The following KRT222 variants were observed in gnomAD, a reference collection of about 807,000 sequenced individuals.
The protein encoded by KRT222 is keratin-like protein KRT222.
Under a neutral mutation model 35.0 loss-of-function variants are expected in KRT222, and 23 were observed. The observed-to-expected ratio is 0.66, with a 90% CI of 0.47 to 0.93. The LOEUF is 0.93. Ranked by LOEUF, KRT222 falls within the 40% of genes least tolerant of loss-of-function variation. The pLI is 0.00. For missense variants in KRT222, 339 were observed against 346.3 expected, an observed-to-expected ratio of 0.98 and a Z score of 0.17; for synonymous variants, 108 against 118.8, an observed-to-expected ratio of 0.91 and a Z score of 0.59.
In KRT222 at chr17:40,662,026, T is replaced by G. The variant is rs745736905; in HGVS notation, c.115A>C (p.Lys39Gln). The change falls in exon 2 of 6, where the codon AAA (lysine) becomes CAA (glutamine). Residue 39 changes from lysine to glutamine, a missense_variant. Physicochemically the swap from Lys to Gln is moderately conservative, Grantham distance 53 (BLOSUM62 1). Transcript: ENST00000394052. ...GCCTCTTCATCTTTGTCCATTTTTTTGCTTATGTCTTCTTCTAGCTAACAA... is the reference window on the plus strand; with the variant it reads ...GCCTCTTCATCTTTGTCCATTTTTTGGCTTATGTCTTCTTCTAGCTAACAA... ...TRIQLEEDIS[K>Q]KMDKDEEALK... The G allele has an allele frequency of 6.2e-7, 1 of 1,613,998 alleles. No homozygotes were observed. The highest frequency in any genetic ancestry group is 1.1e-5 in the South Asian group (1 of 91,018).
Position 40,660,145 on chromosome 17 carries a change from G to A in KRT222, c.288C>T (p.Asp96=), listed in dbSNP as rs1456812165. ...SEQHYQMQLQ[D]LETVIEGLEK... ...CTAGTCCTTCAATCACAGTCTCTAG[G>A]TCTTGCAGCTGCATCTGGTAATGCT... The change falls in exon 3 of 6, where the codon GAC becomes GAT. Residue 96 remains aspartate (D), a synonymous_variant. Coordinates refer to ENST00000394052, the MANE Select transcript of KRT222 (RefSeq NM_152349.3). The A allele has an allele frequency of 2.5e-6, 4 of 1,614,094 alleles. No individual in the cohort carries two copies. In the Admixed American group the frequency reaches 6.7e-5, roughly 27 times the overall value.
Position 40,656,444 on chromosome 17 carries a change from T to C in KRT222, c.846A>G (p.Ser282=), listed in dbSNP as rs1469365143. ...GAGGTTTGATAGAGGGAATACTGCA[T>C]GATCTTCTCATGATAAGCCTGACTT... The part of the protein sequence containing the change: ...DIEVRLIMRR[S]CSIPSIKPPS... Residue 282 remains serine, a synonymous_variant, in exon 6 of 6, where the codon TCA becomes TCG. Coordinates refer to ENST00000394052, the MANE Select transcript of KRT222 (RefSeq NM_152349.3). 1.2e-6 allele frequency: 2 copies of C among 1,613,898 alleles called. No homozygotes were observed. Among genetic ancestry groups the C allele is most frequent in the Admixed American group, 1.7e-5 (1 of 60,024 alleles).
chr17:40,657,312 A>G, intron 5 of KRT222, 40 bp downstream of exon 5: 1 of 1,360,972 alleles, frequency 7.3e-7, no homozygotes, highest in Non-Finnish European at 9.8e-7. Flanking sequence ...TTCTTTACAT[A>G]TATTTATTAT....
intron 2 of KRT222, among the ~76,000 whole-genome samples, chr17:40,660,947 TTG>T (rs1386587169): frequency 6.6e-6 from 1 of 152,054 alleles, no homozygotes; most frequent in African/African-American, 2.4e-5. Context: ...TAAATACTTT[TTG>T]TTTGTTTGTT....
chr17:40,660,525 C>T (rs111294165), intron 2 of KRT222, among the ~76,000 whole-genome samples: 1 of 151,966 alleles, frequency 6.6e-6, no homozygotes, highest in Non-Finnish European at 1.5e-5. Context: ...GTGATCCGCC[C>T]GCCTTGGCCT....
chr17:40,656,473 T>C lies in KRT222; in HGVS notation c.817A>G (p.Ile273Val), dbSNP rs745557485. 2 of 1,613,858 alleles carry C rather than the reference T, an allele frequency of 1.2e-6. No individual in the cohort carries two copies. The highest frequency in any genetic ancestry group is 2.7e-5 in the African/African-American group (2 of 74,934). ...LETKQDNLPD[I>V]EVRLIMRRSC... ...CTTCTCATGATAAGCCTGACTTCTA[T>C]ATCTGGTAGATTATCCTGCTTAGTC... Residue 273 changes from isoleucine (I) to valine (V), a missense_variant, in exon 6 of 6, where the codon ATA becomes GTA. Transcript: ENST00000394052.
At position 40,655,962 on chromosome 17, in the gene KRT222, C is replaced by T. The variant is rs1012443762; in HGVS notation, c.*440G>A. The T allele has an allele frequency of 6.6e-6, 1 of 152,598 alleles. No individual in the cohort carries two copies. The highest frequency in any genetic ancestry group is 2.4e-5 in the African/African-American group (1 of 41,440). 9.5% of individuals were successfully genotyped at this position (152,598 alleles called of 1,614,324 possible). A position where few individuals can be genotyped will look rare whatever the true frequency, so the allele number is the denominator to read the frequency against. ...AATAGAACAAACATTGTAGGTTTAA[C>T]CAGTCATGGAATAATGGTGAATAAC... On this transcript the variant is annotated 3_prime_UTR_variant, in exon 6 of 6. Coordinates refer to ENST00000394052, the MANE Select transcript of KRT222 (RefSeq NM_152349.3).
chr17:40,661,259 C>CT (rs778993189), intron 2 of KRT222, among the ~76,000 whole-genome samples: 4,651 of 144,150 alleles, frequency 0.032, 108 homozygotes, highest in African/African-American at 0.061. Context: ...ATTTTTCTTT[C>CT]TTTTTTTTTT....
At chr17:40,662,476 T>G (rs552032787) in intron 1 of KRT222, among the ~76,000 whole-genome samples, 1 of 152,324 alleles carries the variant, frequency 6.6e-6, no homozygotes. Context: ...CCCCCAAAAC[T>G]GATCAATTCT....
chr17:40,664,910 GAAAT>G (rs1299867839), intron 1 of KRT222, 90 bp downstream of exon 1: 1 of 1,588,556 alleles, frequency 6.3e-7, no homozygotes, highest in East Asian at 2.2e-5. Context: ...CATCGAAAAG[GAAAT>G]ACTGTACCTC....
intron 3 of KRT222, among the ~76,000 whole-genome samples, chr17:40,658,088 A>G (rs1243981771): frequency 6.6e-6 from 1 of 151,722 alleles, no homozygotes; most frequent in African/African-American, 2.4e-5. Flanking sequence ...AGATTAGGGT[A>G]TGTGGCTTAG....
chr17:40,657,666 A>G lies in KRT222; in HGVS notation c.523+8T>C. On this transcript the variant is annotated splice_region_variant and intron_variant, in intron 4 of 5. Coordinates refer to ENST00000394052, the MANE Select transcript of KRT222 (RefSeq NM_152349.3). ...TTTCAAATGAGTTTATTTATGTCAG[A>G]AACTCACCTGATGGTAAAACAAAAC... 1 of 1,609,740 alleles carries G rather than the reference A, an allele frequency of 6.2e-7. No individual in the cohort carries two copies. Among genetic ancestry groups the G allele is most frequent in the Non-Finnish European group, 8.5e-7 (1 of 1,176,954 alleles).
At chr17:40,662,126 G>A in intron 1 of KRT222, 82 bp from the exon 2 acceptor site, 1 of 1,540,320 alleles carries the variant, frequency 6.5e-7, no homozygotes, top group Non-Finnish European at 8.8e-7. Flanking sequence ...AGCAATTATA[G>A]AAAAATTGTA....
At chr17:40,660,284 CTT>C (rs35466162) in intron 2 of KRT222, 77 bp from the exon 3 acceptor site, 10,418 of 931,406 alleles carry the variant, frequency 0.011, 42 homozygotes, top group Admixed American at 0.028. Context: ...ATATCTTCAT[CTT>C]TTTTTTTTTT....
chr17:40,664,757 T>C (rs1267540583), intron 1 of KRT222, among the ~76,000 whole-genome samples: 1 of 152,238 alleles, frequency 6.6e-6, no homozygotes, highest in African/African-American at 2.4e-5. Flanking sequence ...ATGTTAATGA[T>C]AGGAACCTCA....
Position 40,657,746 on chromosome 17 carries a change from A to C in KRT222, c.451T>G (p.Tyr151Asp). The C allele has an allele frequency of 6.2e-7, 1 of 1,606,700 alleles. No homozygotes were observed. ...TTTTTCCCACCTTGGATACAACCAT[A>C]ATATCTGAAATCAGAAAGAATTTTA... ...HLLEKEEIRY[Y>D]GCIQGGKKDK... The change falls in exon 4 of 6, where the codon TAT becomes GAT. Residue 151 changes from tyrosine (Y) to aspartate (D), a missense_variant. Coordinates refer to ENST00000394052, the MANE Select transcript of KRT222 (RefSeq NM_152349.3).
chr17:40,664,963 C>T, intron 1 of KRT222, 41 bp downstream of exon 1: 2 of 1,613,178 alleles, frequency 1.2e-6, no homozygotes, highest in Non-Finnish European at 1.7e-6. Flanking sequence ...CATGGACTGT[C>T]TCCTTATTCT....
At chr17:40,659,766 A>G (rs530025151) in intron 3 of KRT222, among the ~76,000 whole-genome samples, 1 of 152,266 alleles carries the variant, frequency 6.6e-6, no homozygotes, top group African/African-American at 2.4e-5. Context: ...AATTGTTTAC[A>G]TTTTGTTCTA....
At chr17:40,659,363 C>T (rs1296691741) in intron 3 of KRT222, among the ~76,000 whole-genome samples, 1 of 151,866 alleles carries the variant, frequency 6.6e-6, no homozygotes, top group African/African-American at 2.4e-5. Context: ...TTAGTAGAGA[C>T]AGGGTTTCGC....
Sources: allele counts gnomAD v4.1 joint callset (sites outside exome capture counted in the v4.1 genomes callset), GRCh38; gene constraint gnomAD v4.1.1; transcripts MANE v1.5; gene names NCBI Gene and HGNC (gene_info 2026-07-23, HGNC 2026-07-21).